The following FAM3D variants were observed in gnomAD, a reference collection of about 807,000 sequenced individuals.
The protein encoded by FAM3D is protein FAM3D.
Under a neutral mutation model 29.8 loss-of-function variants are expected in FAM3D, and 26 were observed. The observed-to-expected ratio is 0.87, with a 90% CI of 0.64 to 1.21. The LOEUF is 1.21. Among genes scored for constraint, FAM3D ranks in the 50% most tolerant of loss-of-function variants. FAM3D has a pLI of 0.00. For synonymous variants in FAM3D, 115 were observed against 102.3 expected, an observed-to-expected ratio of 1.12 and a Z score of -0.75; for missense variants, 253 against 290.9, an observed-to-expected ratio of 0.87 and a Z score of 0.95.
intron 6 of FAM3D, among the ~76,000 whole-genome samples, chr3:58,641,188 G>C (rs933191830): frequency 1.3e-5 from 2 of 152,172 alleles, no homozygotes; most frequent in African/African-American, 4.8e-5. Context: ...GATTTGTTGG[G>C]CTTCCCCACA....
intron 1 of FAM3D, among the ~76,000 whole-genome samples, chr3:58,666,000 T>C (rs2067023328): frequency 6.6e-6 from 1 of 152,134 alleles, no homozygotes; most frequent in Admixed American, 6.5e-5. Context: ...AGCTAGAAAA[T>C]CTCTCAAGTC....
intron 4 of FAM3D, among the ~76,000 whole-genome samples, chr3:58,648,261 A>G (rs963661684): frequency 7.9e-5 from 12 of 152,154 alleles, no homozygotes; most frequent in African/African-American, 2.7e-4. Flanking sequence ...GTTGCTTCAT[A>G]TTGTCTTTGC....
chr3:58,641,981 G>C (rs1178933375), intron 6 of FAM3D, among the ~76,000 whole-genome samples: 2 of 152,190 alleles, frequency 1.3e-5, no homozygotes, highest in East Asian at 3.9e-4. Flanking sequence ...CCCTCGCTGT[G>C]GGGTGAGGGC....
intron 7 of FAM3D, among the ~76,000 whole-genome samples, chr3:58,638,721 T>C (rs991640423): frequency 6.6e-6 from 1 of 152,188 alleles, no homozygotes; most frequent in African/African-American, 2.4e-5. Flanking sequence ...ATTATTAGTA[T>C]TCCAGTGCGG....
intron 4 of FAM3D, among the ~76,000 whole-genome samples, chr3:58,646,040 C>T: frequency 6.6e-6 from 1 of 152,216 alleles, no homozygotes; most frequent in Non-Finnish European, 1.5e-5. Flanking sequence ...AGTGGGAGCA[C>T]TTCTGTCTAG....
chr3:58,640,621 A>G (rs1014371243), intron 6 of FAM3D, among the ~76,000 whole-genome samples: 2 of 152,240 alleles, frequency 1.3e-5, no homozygotes, highest in African/African-American at 4.8e-5. Flanking sequence ...AAAACCTACA[A>G]CTGGAGTCCT....
chr3:58,642,741 C>G (rs2066369223), intron 6 of FAM3D, among the ~76,000 whole-genome samples: 1 of 152,106 alleles, frequency 6.6e-6, no homozygotes, highest in African/African-American at 2.4e-5. Flanking sequence ...GCCTCCAGCC[C>G]CCCTACTCCA....
intron 6 of FAM3D, 53 bp downstream of exon 6, chr3:58,643,609 C>T: frequency 6.4e-7 from 1 of 1,569,864 alleles, no homozygotes. Flanking sequence ...CCGCTACCCC[C>T]TACCCTCCCT....
rs59295889 is a variant in FAM3D, at chr3:58,641,954, G to A, written c.322+1708C>T. ...GTTTCAGCCAGGTCAGCTGCAGCCT[G>A]TGCCATTTCCTGCCTGCCCTCGCTG... On this transcript the variant is annotated intron_variant, in intron 6 of 9. Transcript: ENST00000358781. Among the ~76,000 whole-genome samples the A allele has an allele frequency of 7.9e-5, 12 of 152,348 alleles. No individual in the cohort carries two copies. The East Asian group carries it at 1.5e-3, about 20-fold the overall frequency.
chr3:58,647,946 C>T (rs1427831250), intron 4 of FAM3D, among the ~76,000 whole-genome samples: 3 of 152,208 alleles, frequency 2.0e-5, no homozygotes, highest in African/African-American at 7.2e-5. Context: ...TGGTTTAGAT[C>T]AGGGTTGTCA....
At chr3:58,665,282 C>T (rs1358785075) in intron 1 of FAM3D, among the ~76,000 whole-genome samples, 1 of 152,026 alleles carries the variant, frequency 6.6e-6, no homozygotes, top group Non-Finnish European at 1.5e-5. Flanking sequence ...CCTTCCACCA[C>T]CAGCTACTAC....
chr3:58,652,374 C>T (rs78345064), intron 3 of FAM3D, among the ~76,000 whole-genome samples: 56 of 150,664 alleles, frequency 3.7e-4, no homozygotes, highest in African/African-American at 1.2e-3. Flanking sequence ...ACCTGTCCAT[C>T]CATTCATTCA....
At chr3:58,637,355 G>T in intron 7 of FAM3D, 130 bp from the exon 8 acceptor site, 1 of 791,808 alleles carries the variant, frequency 1.3e-6, no homozygotes, top group Non-Finnish European at 2.0e-6. Flanking sequence ...TCAGAAGCCA[G>T]GAGGAAGAGC....
intron 7 of FAM3D, among the ~76,000 whole-genome samples, chr3:58,638,142 C>T (rs539213323): frequency 1.3e-5 from 2 of 152,292 alleles, no homozygotes; most frequent in African/African-American, 4.8e-5. Context: ...TCTCGACCTC[C>T]CAAAGTGCTG....
At position 58,645,492 on chromosome 3, in the gene FAM3D, GT is replaced by G; in HGVS notation, c.263+16del. 1 of 1,311,518 alleles carries G rather than the reference GT, an allele frequency of 7.6e-7. No individual in the cohort carries two copies. The highest frequency in any genetic ancestry group is 1.1e-6 in the Non-Finnish European group (1 of 932,442). 81.2% of individuals were successfully genotyped at this position (1,311,518 alleles called of 1,614,324 possible). ...AAAATAAAATAAAATAAACATAGTT[GT>G]GTCTTAGGTACTTACATGCGGTCTT... On this transcript the variant is annotated intron_variant, in intron 5 of 9. Transcript: ENST00000358781.
intron 7 of FAM3D, 56 bp from the exon 8 acceptor site, chr3:58,637,281 C>T (rs1402371348): frequency 3.4e-6 from 5 of 1,478,638 alleles, no homozygotes; most frequent in Admixed American, 1.9e-5. Flanking sequence ...CCTGGTCATT[C>T]TCATGCTTGT....
At chr3:58,649,265 G>C (rs763366810) in intron 4 of FAM3D, 50 bp downstream of exon 4, 1 of 1,602,742 alleles carries the variant, frequency 6.2e-7, no homozygotes, top group Non-Finnish European at 8.5e-7. Flanking sequence ...ATGGGAGCAG[G>C]GGGTGAGTGG....
intron 4 of FAM3D, among the ~76,000 whole-genome samples, chr3:58,649,110 G>A (rs183834578): frequency 2.6e-5 from 4 of 152,202 alleles, no homozygotes; most frequent in Admixed American, 2.6e-4. Context: ...TGAGAGGGGG[G>A]CCACCCCTGC....
intron 1 of FAM3D, among the ~76,000 whole-genome samples, chr3:58,656,296 C>A (rs978931189): frequency 2.0e-5 from 3 of 152,176 alleles, no homozygotes; most frequent in Non-Finnish European, 4.4e-5. Context: ...GTAAGCAAGA[C>A]CCACCATGGC....
Sources: gnomAD v4.1 joint callset for allele counts (sites outside exome capture counted in the v4.1 genomes callset) on GRCh38, gnomAD v4.1.1 for gene constraint, MANE v1.5 for transcripts, NCBI Gene and HGNC (gene_info 2026-07-23, HGNC 2026-07-21) for gene names.